Variants in CNTNAP2 observed in about 807,000 individuals in gnomAD.
The protein encoded by CNTNAP2 is contactin-associated protein-like 2.
Under a neutral mutation model 155.2 loss-of-function variants are expected in CNTNAP2, and 98 were observed. The ratio of observed to expected loss-of-function variants is 0.63; its 90% CI spans 0.54 to 0.75. CNTNAP2 has a LOEUF of 0.75. Ranked by LOEUF, CNTNAP2 falls within the 30% of genes least tolerant of loss-of-function variation. The pLI is 0.00. For missense variants in CNTNAP2, 1,727 were observed against 1,688.1 expected, an observed-to-expected ratio of 1.02 and a Z score of -0.40; for synonymous variants, 651 against 631.2, an observed-to-expected ratio of 1.03 and a Z score of -0.47.
intron 13 of CNTNAP2, among the ~76,000 whole-genome samples, chr7:147,840,163 G>C (rs1798705889): frequency 6.6e-6 from 1 of 152,116 alleles, no homozygotes; most frequent in Non-Finnish European, 1.5e-5. Flanking sequence ...TGGAGGCTCA[G>C]AAAGGGAGGA....
intron 3 of CNTNAP2, among the ~76,000 whole-genome samples, chr7:146,863,266 A>G (rs912716705): frequency 6.6e-6 from 1 of 152,194 alleles, no homozygotes; most frequent in Admixed American, 6.5e-5. Context: ...AGTAAATAGC[A>G]TAAGAAAATA....
intron 15 of CNTNAP2, among the ~76,000 whole-genome samples, chr7:148,054,302 G>A (rs561099094): frequency 1.4e-3 from 217 of 152,100 alleles, no homozygotes; most frequent in Middle Eastern, 3.4e-3. Flanking sequence ...CTGGGATTGT[G>A]GACAATTTCT....
intron 14 of CNTNAP2, among the ~76,000 whole-genome samples, chr7:147,921,699 G>C (rs1800283632): frequency 6.6e-6 from 1 of 152,170 alleles, no homozygotes; most frequent in South Asian, 2.1e-4. Flanking sequence ...AATGAGAATA[G>C]TAATATTACT....
rs193276804 is a variant in CNTNAP2, at chr7:148,385,886, C to T, written c.3715+1998C>T. 7.8e-4 allele frequency among the ~76,000 whole-genome samples: 118 copies of T among 151,968 alleles called. 1 individual carries two copies. The highest frequency in any genetic ancestry group is 2.8e-3 in the African/African-American group (114 of 41,444). Reference sequence around the variant, plus strand: ...CTGAGTAGCTGGGATTACAGGCACCCGCCATCATGCCCACTTAATTTTTGT... The same window carrying T: ...CTGAGTAGCTGGGATTACAGGCACCTGCCATCATGCCCACTTAATTTTTGT... On this transcript the variant is annotated intron_variant, in intron 22 of 23. Coordinates refer to ENST00000361727, the MANE Select transcript of CNTNAP2 (RefSeq NM_014141.6).
intron 11 of CNTNAP2, among the ~76,000 whole-genome samples, chr7:147,561,931 C>G (rs1800071771): frequency 1.3e-5 from 2 of 152,096 alleles, no homozygotes; most frequent in South Asian, 4.2e-4. Context: ...AAAGTCATAC[C>G]AGGAGCTTGC....
chr7:147,001,528 A>G (rs775705556), intron 3 of CNTNAP2, among the ~76,000 whole-genome samples: 1 of 152,090 alleles, frequency 6.6e-6, no homozygotes, highest in Non-Finnish European at 1.5e-5. Context: ...CCTATAAAGA[A>G]GGCTTGGTGC....
intron 1 of CNTNAP2, among the ~76,000 whole-genome samples, chr7:146,302,381 T>A (rs1158381593): frequency 1.3e-5 from 2 of 152,140 alleles, no homozygotes; most frequent in Non-Finnish European, 2.9e-5. Flanking sequence ...TTTATATATG[T>A]GATCTTTCAT....
At chr7:148,259,545 C>G (rs1796518637) in intron 20 of CNTNAP2, among the ~76,000 whole-genome samples, 1 of 152,154 alleles carries the variant, frequency 6.6e-6, no homozygotes, top group Non-Finnish European at 1.5e-5. Context: ...AGGCCTTTGT[C>G]TAGGCCATGG....
At chr7:147,388,812 C>T (rs700302) in intron 9 of CNTNAP2, among the ~76,000 whole-genome samples, 19,621 of 152,150 alleles carry the variant, frequency 0.13, 1,518 homozygotes, top group East Asian at 0.32. Context: ...AAACTCCTAA[C>T]TTCGTGATCT....
rs528092786 is a variant in CNTNAP2 at position 148,274,311 on chromosome 7, C to G, written c.3475+7185C>G. Among the ~76,000 whole-genome samples the G allele has an allele frequency of 7.2e-5, 11 of 151,976 alleles. No homozygotes were observed. In the South Asian group the frequency reaches 2.1e-3, roughly 29 times the overall value. On this transcript the variant is annotated intron_variant, in intron 21 of 23. Coordinates refer to ENST00000361727, the MANE Select transcript of CNTNAP2 (RefSeq NM_014141.6). ...AGGGCTGTTTGTTACTGTGGCAGAG[C>G]CTTGGCCTGTCCTGACTGAGGCATA... is the stretch of plus-strand genomic sequence containing the variant.
At chr7:148,111,288 G>A (rs1585131203) in intron 15 of CNTNAP2, among the ~76,000 whole-genome samples, 1 of 152,220 alleles carries the variant, frequency 6.6e-6, no homozygotes, top group East Asian at 1.9e-4. Context: ...AGAGAAAGCA[G>A]AAGAAAACTT....
At chr7:147,426,553 T>A (rs1430181912) in intron 10 of CNTNAP2, among the ~76,000 whole-genome samples, 1 of 152,154 alleles carries the variant, frequency 6.6e-6, no homozygotes, top group Non-Finnish European at 1.5e-5. Context: ...TTCTAATGTA[T>A]CCTGCACAAC....
At chr7:146,194,401 G>C (rs887010550) in intron 1 of CNTNAP2, among the ~76,000 whole-genome samples, 7 of 152,186 alleles carry the variant, frequency 4.6e-5, no homozygotes, top group Admixed American at 1.3e-4. Context: ...ATGGTTGCAG[G>C]CAAGAGAACG....
Position 146,116,828 on chromosome 7 carries a change from T to G in CNTNAP2, c.-49T>G, listed in dbSNP as rs549396215. On this transcript the variant is annotated 5_prime_UTR_variant, in exon 1 of 24. Coordinates refer to ENST00000361727, the MANE Select transcript of CNTNAP2 (RefSeq NM_014141.6). The surrounding 1 kb of genome is among the most constrained non-coding windows in gnomAD (Gnocchi z 5.5). ...TCAAGAACCCTACGGAGAGTCGGAC[T>G]GCATCTCCGCAGCGAGCTCTTGGAG... The G allele has an allele frequency of 2.1e-3, 2,942 of 1,432,810 alleles. 35 individuals carry two copies. Among genetic ancestry groups the G allele is most frequent in the South Asian group, 0.017 (1,375 of 81,262 alleles). 88.8% of individuals were successfully genotyped at this position (1,432,810 alleles called of 1,614,324 possible).
chr7:146,436,096 T>C (rs981608186), intron 1 of CNTNAP2, among the ~76,000 whole-genome samples: 9 of 152,186 alleles, frequency 5.9e-5, no homozygotes, highest in African/African-American at 2.2e-4. Context: ...ACATTATTCT[T>C]AATTTATAAT....
intron 1 of CNTNAP2, among the ~76,000 whole-genome samples, chr7:146,158,114 A>AGGCAAACAGGTTGTGGAGTGGACCTCC (rs1798157065): frequency 6.6e-6 from 1 of 152,230 alleles, no homozygotes; most frequent in Admixed American, 6.5e-5. Flanking sequence ...GGTGATACCC[A>AGGCAAACAGGTTGTGGAGTGGACCTCC]GGCAAACAGG....
chr7:146,293,719 A>C (rs116553390), intron 1 of CNTNAP2, among the ~76,000 whole-genome samples: 4,724 of 152,200 alleles, frequency 0.031, 116 homozygotes, highest in African/African-American at 0.068. Flanking sequence ...TGATTTGCTT[A>C]ATGCTCATTG....
intron 12 of CNTNAP2, among the ~76,000 whole-genome samples, chr7:147,590,483 G>C (rs2116842909): frequency 6.6e-6 from 1 of 152,260 alleles, no homozygotes; most frequent in African/African-American, 2.4e-5. Flanking sequence ...GCCCTGTGAA[G>C]AGGTGCCTTC....
chr7:146,577,329 G>A (rs1043941302), intron 1 of CNTNAP2, among the ~76,000 whole-genome samples: 2 of 151,960 alleles, frequency 1.3e-5, no homozygotes, highest in African/African-American at 4.8e-5. Flanking sequence ...ACAGAGATTT[G>A]CCTACGTTTA....
Sources: gnomAD v4.1 joint callset for allele counts (sites outside exome capture counted in the v4.1 genomes callset) on GRCh38, gnomAD v4.1.1 for gene constraint, Gnocchi (gnomAD v3.1) non-coding constraint, MANE v1.5 for transcripts, NCBI Gene and HGNC (gene_info 2026-07-23, HGNC 2026-07-21) for gene names.